ATRX: variants seen among roughly 807,000 people sequenced by gnomAD.
The protein encoded by ATRX is ATRX chromatin remodeler.
A neutral mutation model predicts 172.6 loss-of-function variants in ATRX; 12 were observed. That is an observed-to-expected ratio of 0.07 (90% confidence interval 0.04 to 0.11). ATRX has a LOEUF of 0.11. ATRX is among the 10% of genes least tolerant of loss of function. ATRX has a pLI of 1.00. For synonymous variants in ATRX, 674 were observed against 594.7 expected, an observed-to-expected ratio of 1.13 and a Z score of -1.94; for missense variants, 1,368 against 1,767.4, an observed-to-expected ratio of 0.77 and a Z score of 4.05.
intron 22 of ATRX, among the ~76,000 whole-genome samples, chrX:77,613,375 G>T (rs1344055892): frequency 5.4e-5 from 6 of 110,223 alleles, no homozygotes; most frequent in Non-Finnish European, 9.5e-5. Context: ...GTGCTTATTG[G>T]CCATTTGTAT....
At chrX:77,745,415 G>A (rs1557184384) in intron 1 of ATRX, among the ~76,000 whole-genome samples, 1 of 111,292 alleles carries the variant, frequency 9.0e-6, no homozygotes, top group African/African-American at 3.3e-5. Context: ...CCTTAAAAAA[G>A]TATGAGATCC....
intron 5 of ATRX, among the ~76,000 whole-genome samples, chrX:77,695,020 G>A (rs782703422): frequency 6.5e-4 from 66 of 102,085 alleles, no homozygotes; most frequent in Non-Finnish European, 1.2e-3. Flanking sequence ...AGAAGCCCCA[G>A]CATTTGAAAA....
chrX:77,588,698 A>G (rs2066125332), intron 27 of ATRX, among the ~76,000 whole-genome samples: 1 of 111,804 alleles, frequency 8.9e-6, no homozygotes, highest in African/African-American at 3.3e-5. Context: ...ACAGAATGAG[A>G]GAAAATATTT....
At chrX:77,634,745 G>T (rs1235600658) in intron 16 of ATRX, 42 bp from the exon 17 acceptor site, 2 of 1,087,975 alleles carry the variant, frequency 1.8e-6, no homozygotes, top group Non-Finnish European at 2.5e-6. Context: ...AAAGGTCCAA[G>T]TTAAAAACTT....
At chrX:77,564,948 C>T (rs1557063773) in intron 28 of ATRX, among the ~76,000 whole-genome samples, 1 of 111,867 alleles carries the variant, frequency 8.9e-6, no homozygotes, top group Non-Finnish European at 1.9e-5. Context: ...AGTCTGATTT[C>T]ACAAGGTCCT....
chrX:77,553,312 C>A (rs1433118744), intron 30 of ATRX, among the ~76,000 whole-genome samples: 2 of 111,501 alleles, frequency 1.8e-5, no homozygotes, highest in African/African-American at 6.5e-5. Flanking sequence ...TCATATCAGG[C>A]CTGTATTACC....
chrX:77,727,703 T>C (rs1446819511), intron 1 of ATRX, among the ~76,000 whole-genome samples: 1 of 110,217 alleles, frequency 9.1e-6, no homozygotes, highest in African/African-American at 3.3e-5. Flanking sequence ...AGGGGAGGGA[T>C]AGCATTAGAA....
In ATRX at chrX:77,508,406, G is replaced by A. The variant is rs2147646513; in HGVS notation, c.7424C>T (p.Ala2475Val). ...GGMQPPPLQR[A>V]PPPMRSKNPG... ...ATTTTTGCTTCTCATTGGGGGTGGT[G>A]CACGCTGTAATGGTGGTGGCTGCAT... The change falls in exon 35 of 35, where the codon GCA (alanine) becomes GTA (valine). Residue 2475 changes from alanine (A) to valine (V), a missense_variant. Around this residue, in one of 17 missense-constraint regions of ATRX, gnomAD observed 100 missense variants for 153.9 expected, o/e 0.65. Transcript: ENST00000373344. 8.3e-7 allele frequency: 1 copy of A among 1,211,462 alleles called. No individual in the cohort carries two copies. Among genetic ancestry groups the A allele is most frequent in the Non-Finnish European group, 1.1e-6 (1 of 895,316 alleles).
At chrX:77,702,673 A>T (rs2072597163) in intron 2 of ATRX, among the ~76,000 whole-genome samples, 1 of 112,129 alleles carries the variant, frequency 8.9e-6, no homozygotes, top group East Asian at 2.8e-4. Flanking sequence ...CTATTGAAAG[A>T]AATTAAAGAC....
At chrX:77,675,036 G>C (rs1647911389) in intron 10 of ATRX, 1 of 112,192 alleles carries the variant, frequency 8.9e-6, no homozygotes, top group East Asian at 2.8e-4. Context: ...TTAATTAGCA[G>C]AATGCTGACC....
intron 1 of ATRX, among the ~76,000 whole-genome samples, chrX:77,725,494 C>T (rs1346587041): frequency 3.6e-5 from 4 of 111,965 alleles, no homozygotes; most frequent in Non-Finnish European, 5.6e-5. Flanking sequence ...AAGACTTAAG[C>T]GTCAGACCTA....
At chrX:77,738,556 G>A (rs1166942645) in intron 1 of ATRX, among the ~76,000 whole-genome samples, 1 of 89,118 alleles carries the variant, frequency 1.1e-5, no homozygotes. Flanking sequence ...TCTCTTTTGT[G>A]TCTTTTTTTT....
intron 30 of ATRX, among the ~76,000 whole-genome samples, chrX:77,548,232 G>T (rs782264288): frequency 9.0e-6 from 1 of 111,417 alleles, no homozygotes; most frequent in African/African-American, 3.3e-5. Flanking sequence ...AAACGAATAG[G>T]ACACTTTTGT....
rs782209687 is a variant in ATRX, at chrX:77,506,981, A to G, written c.*1370T>C. ...TCATCATCTCAAAAATGGTTCTGCC[A>G]TGTTGAGTTGACTCCCATAGTCAAA... On this transcript the variant is annotated 3_prime_UTR_variant, in exon 35 of 35. Transcript: ENST00000373344. 2 of 143,953 alleles carry G rather than the reference A, an allele frequency of 1.4e-5. No homozygotes were observed. Among genetic ancestry groups the G allele is most frequent in the South Asian group, 8.8e-4 (2 of 2,277 alleles). The allele number at this position is 143,953 out of a possible 1,213,427, so 11.9% of individuals were successfully genotyped here.
intron 30 of ATRX, among the ~76,000 whole-genome samples, chrX:77,547,849 T>A (rs1446035436): frequency 9.0e-6 from 1 of 111,436 alleles, no homozygotes; most frequent in Non-Finnish European, 1.9e-5. Flanking sequence ...TTTCTACTGG[T>A]CTGTCATATA....
rs140624131 is a variant in ATRX, at chrX:77,522,144, G to A, written c.6975+119C>T. On this transcript the variant is annotated intron_variant, in intron 32 of 34. Transcript: ENST00000373344. ...CAACAAATAAAACAAAAATTTATTC[G>A]TCTATTCAGGGGTAATCTTTTGGAG... 6.9e-4 allele frequency: 676 copies of A among 984,227 alleles called. 6 individuals carry two copies. The East Asian group carries it at 0.018, about 26-fold the overall frequency. 81.1% of individuals were successfully genotyped at this position (984,227 alleles called of 1,213,427 possible).
intron 1 of ATRX, among the ~76,000 whole-genome samples, chrX:77,767,150 A>T (rs2075990134): frequency 9.1e-6 from 1 of 110,084 alleles, no homozygotes; most frequent in African/African-American, 3.3e-5. Flanking sequence ...GGGAGGTTGC[A>T]GTGAGCCGAG....
chrX:77,548,290 T>C (rs1477312739), intron 30 of ATRX, among the ~76,000 whole-genome samples: 5 of 111,819 alleles, frequency 4.5e-5, no homozygotes, highest in African/African-American at 1.6e-4. Flanking sequence ...TGATGCCCGT[T>C]ATTTTTTCTG....
At position 77,631,670 on chromosome X, in the gene ATRX, C is replaced by T. The variant is rs1214401292; in HGVS notation, c.5134+1537G>A. Among the ~76,000 whole-genome samples, 18 of 112,090 alleles carry T rather than the reference C, an allele frequency of 1.6e-4. No homozygotes were observed. In the Admixed American group the frequency reaches 1.7e-3, roughly 11 times the overall value. ...TAAATTCAGATCAGAGAACACTCTA[C>T]AGGATATCTACCTGGACGGTCCTCC... On this transcript the variant is annotated intron_variant, in intron 19 of 34. Coordinates refer to ENST00000373344, the MANE Select transcript of ATRX (RefSeq NM_000489.6).
Sources: allele counts gnomAD v4.1 joint callset (sites outside exome capture counted in the v4.1 genomes callset), GRCh38; gene constraint gnomAD v4.1.1; regional missense constraint gnomAD v4.1.1; transcripts MANE v1.5; gene names NCBI Gene and HGNC (gene_info 2026-07-23, HGNC 2026-07-21).